Variants in SPAG16 observed in about 807,000 individuals in gnomAD.
SPAG16 encodes the protein sperm-associated antigen 16 protein.
A neutral mutation model predicts 80.4 loss-of-function variants in SPAG16; 86 were observed. The observed-to-expected ratio is 1.07, with a 90% CI of 0.90 to 1.28. SPAG16 has a LOEUF of 1.28. SPAG16 is among the 50% of genes most tolerant of loss of function. SPAG16 has a pLI of 0.00. For synonymous variants in SPAG16, 294 were observed against 265.9 expected (o/e 1.11, Z -1.03); for missense variants, 870 against 765.3 (o/e 1.14, Z -1.61).
intron 10 of SPAG16, among the ~76,000 whole-genome samples, chr2:213,717,555 C>CT (rs890199600): frequency 4.2e-4 from 61 of 146,934 alleles, no homozygotes; most frequent in African/African-American, 8.7e-4. Context: ...GACTTAAACT[C>CT]TTTTTTTTTT....
At chr2:214,017,256 C>T (rs2047636703) in intron 13 of SPAG16, among the ~76,000 whole-genome samples, 1 of 152,102 alleles carries the variant, frequency 6.6e-6, no homozygotes, top group African/African-American at 2.4e-5. Flanking sequence ...TTTAAAATAG[C>T]TTCTCAGACA....
At chr2:213,412,668 A>G (rs181656624) in intron 9 of SPAG16, among the ~76,000 whole-genome samples, 2 of 151,760 alleles carry the variant, frequency 1.3e-5, no homozygotes, top group African/African-American at 4.8e-5. Flanking sequence ...CTAGTTTCCT[A>G]CCCTCCAGAA....
intron 3 of SPAG16, among the ~76,000 whole-genome samples, chr2:213,300,573 G>C (rs1239932317): frequency 1.3e-5 from 2 of 152,134 alleles, no homozygotes; most frequent in Non-Finnish European, 2.9e-5. Flanking sequence ...TGGGGATCTA[G>C]CTGTTCCTCT....
chr2:213,288,418 C>A (rs941796486), intron 1 of SPAG16, among the ~76,000 whole-genome samples: 1 of 152,164 alleles, frequency 6.6e-6, no homozygotes, highest in Non-Finnish European at 1.5e-5. Flanking sequence ...CATTCTGCTG[C>A]CCCAGCCTCC....
chr2:213,962,421 C>G (rs1362366023), intron 12 of SPAG16, among the ~76,000 whole-genome samples: 1 of 152,104 alleles, frequency 6.6e-6, no homozygotes, highest in Non-Finnish European at 1.5e-5. Flanking sequence ...TCTCCATCTC[C>G]TGATCTGCCT....
intron 13 of SPAG16, among the ~76,000 whole-genome samples, chr2:214,052,522 C>A (rs1473836959): frequency 6.6e-6 from 1 of 152,178 alleles, no homozygotes; most frequent in African/African-American, 2.4e-5. Flanking sequence ...CTGTTGATTG[C>A]AGTGTTGCAG....
At chr2:214,378,245 G>C (rs984316248) in intron 15 of SPAG16, among the ~76,000 whole-genome samples, 1 of 152,190 alleles carries the variant, frequency 6.6e-6, no homozygotes, top group Non-Finnish European at 1.5e-5. Flanking sequence ...TGTGACAGCA[G>C]CAATTGGAAA....
chr2:213,839,494 G>T (rs1305341423), intron 10 of SPAG16, among the ~76,000 whole-genome samples: 2 of 152,060 alleles, frequency 1.3e-5, no homozygotes, highest in Admixed American at 1.3e-4. Flanking sequence ...AAGATCTTAG[G>T]AGTGACTGAT....
At chr2:213,620,379 G>T (rs2061736241) in intron 10 of SPAG16, among the ~76,000 whole-genome samples, 1 of 132,104 alleles carries the variant, frequency 7.6e-6, no homozygotes, top group East Asian at 2.3e-4. Context: ...TGCAAGCTCT[G>T]CCTCCCAAGT....
At chr2:214,178,013 T>TATATG (rs1559108494) in intron 15 of SPAG16, among the ~76,000 whole-genome samples, 1 of 67,330 alleles carries the variant, frequency 1.5e-5, no homozygotes, top group Non-Finnish European at 3.1e-5. Context: ...ATATATATAT[T>TATATG]CATACTTTAT....
At chr2:213,826,813 C>A (rs1217929068) in intron 10 of SPAG16, among the ~76,000 whole-genome samples, 1 of 151,954 alleles carries the variant, frequency 6.6e-6, no homozygotes, top group East Asian at 1.9e-4. Flanking sequence ...TCTGGGAGAT[C>A]TCTCTAGTGC....
At chr2:213,372,618 C>CT (rs2066697728) in intron 8 of SPAG16, among the ~76,000 whole-genome samples, 1 of 152,008 alleles carries the variant, frequency 6.6e-6, no homozygotes, top group South Asian at 2.1e-4. Flanking sequence ...TTATTTAACT[C>CT]TATTTCTTTT....
intron 10 of SPAG16, among the ~76,000 whole-genome samples, chr2:213,646,093 G>A (rs2062812237): frequency 1.3e-5 from 2 of 152,178 alleles, no homozygotes; most frequent in African/African-American, 2.4e-5. Flanking sequence ...GCCTAGAGAT[G>A]CTCTGGGCAC....
intron 10 of SPAG16, among the ~76,000 whole-genome samples, chr2:213,639,672 A>G (rs2125107888): frequency 6.6e-6 from 1 of 152,276 alleles, no homozygotes; most frequent in East Asian, 1.9e-4. Context: ...AGCTCTTTAG[A>G]TTCTTTCCTT....
At chr2:213,897,204 G>T (rs531408724) in intron 11 of SPAG16, among the ~76,000 whole-genome samples, 4 of 152,166 alleles carry the variant, frequency 2.6e-5, no homozygotes, top group Non-Finnish European at 4.4e-5. Flanking sequence ...CATATGTTAT[G>T]CATCAATAAA....
chr2:214,180,460 G>A (rs2057275839), intron 15 of SPAG16, among the ~76,000 whole-genome samples: 1 of 151,620 alleles, frequency 6.6e-6, no homozygotes, highest in Admixed American at 6.6e-5. Context: ...CATTAGAATA[G>A]TATTTAGTAT....
chr2:214,381,697 T>C (rs911822229), intron 15 of SPAG16, among the ~76,000 whole-genome samples: 9 of 152,196 alleles, frequency 5.9e-5, no homozygotes, highest in Non-Finnish European at 1.2e-4. Context: ...CAGGGAGACA[T>C]TGGTGACTAC....
At chr2:213,888,125 A>G (rs1308179952) in intron 11 of SPAG16, among the ~76,000 whole-genome samples, 1 of 151,978 alleles carries the variant, frequency 6.6e-6, no homozygotes, top group African/African-American at 2.4e-5. Context: ...TGCTTTGAAT[A>G]GACTTATGTT....
At chr2:213,433,915 C>CTTTTTTTTTTTT (rs33989475) in intron 9 of SPAG16, among the ~76,000 whole-genome samples, 7 of 84,994 alleles carry the variant, frequency 8.2e-5, no homozygotes, top group African/African-American at 1.7e-4. Flanking sequence ...TTTTCTTTGT[C>CTTTTTTTTTTTT]TTTTTTTTTT....
Sources: allele counts gnomAD v4.1 joint callset (sites outside exome capture counted in the v4.1 genomes callset), GRCh38; gene constraint gnomAD v4.1.1; transcripts MANE v1.5; gene names NCBI Gene and HGNC (gene_info 2026-07-23, HGNC 2026-07-21).